ZNF254: variants seen among roughly 807,000 people sequenced by gnomAD.
ZNF254 encodes zinc finger protein 254.
ZNF254 carries 10 observed loss-of-function variants against 12.4 expected under a neutral mutation model. The ratio of observed to expected loss-of-function variants is 0.80; its 90% CI spans 0.50 to 1.36. ZNF254 has a LOEUF of 1.36. Ranked by LOEUF, ZNF254 falls within the 40% of genes most tolerant of loss-of-function variation. The pLI, the probability that ZNF254 is intolerant of heterozygous loss-of-function variation, is 0.00. For missense variants in ZNF254, 996 were observed against 763.9 expected, an observed-to-expected ratio of 1.30 and a Z score of -3.58; for synonymous variants, 305 against 253.4, an observed-to-expected ratio of 1.20 and a Z score of -1.93.
chr19:24,125,912 A>G (rs1464687988), intron 3 of ZNF254, among the ~76,000 whole-genome samples: 1 of 152,230 alleles, frequency 6.6e-6, no homozygotes, highest in Non-Finnish European at 1.5e-5. Flanking sequence ...AACAGAAACC[A>G]AGAGTTGGCA....
intron 2 of ZNF254, among the ~76,000 whole-genome samples, chr19:24,054,966 A>G (rs1970783562): frequency 6.6e-6 from 1 of 151,940 alleles, no homozygotes; most frequent in African/African-American, 2.4e-5. Context: ...GCACTTTGGG[A>G]GGCCGAGGTG....
Position 24,127,766 on chromosome 19 carries a change from T to C in ZNF254, c.1766T>C (p.Phe589Ser), listed in dbSNP as rs761095473. The change falls in exon 4 of 4, where the codon TTT (phenylalanine) becomes TCT (serine). Residue 589 changes from phenylalanine (F) to serine (S), a missense_variant. Phe to Ser is a radical substitution (Grantham distance 155, BLOSUM62 -2). Coordinates refer to ENST00000357002, the MANE Select transcript of ZNF254 (RefSeq NM_203282.4). ...AAATCTTTTAACCGGTCTTCAACTT[T>C]TACTAAACATAAGGTAATTCATACT... ...CGKSFNRSST[F>S]TKHKVIHTGV... 1.9e-5 allele frequency: 30 copies of C among 1,612,252 alleles called. No individual in the cohort carries two copies. The highest frequency in any genetic ancestry group is 2.5e-5 in the Non-Finnish European group (29 of 1,179,500).
In ZNF254 at chr19:24,120,325, C is replaced by G. The variant is rs986542539; in HGVS notation, c.254-5929C>G. On this transcript the variant is annotated intron_variant, in intron 3 of 3. Transcript: ENST00000357002. ...TTGGGACATGGCCAAACCACATCAT[C>G]TTAAAAATGGAATTTACATAAAACA... Among the ~76,000 whole-genome samples, 4 of 152,180 alleles carry G rather than the reference C, an allele frequency of 2.6e-5. No individual in the cohort carries two copies. In the South Asian group the frequency reaches 8.3e-4, roughly 32 times the overall value.
chr19:24,052,654 T>A lies in ZNF254; in HGVS notation c.-94+6375T>A, dbSNP rs10406592. Among the ~76,000 whole-genome samples the A allele has an allele frequency of 5.3e-3, 809 of 152,244 alleles. 7 individuals are homozygous for A. The highest frequency in any genetic ancestry group is 0.019 in the African/African-American group (782 of 41,534). On this transcript the variant is annotated intron_variant, in intron 2 of 4. Transcript: ENST00000613065. ...CTATATTCTGCTTTCAAGAGGAGAT[T>A]GTAACGTATCCCTAATCGAGCACCC...
intron 3 of ZNF254, chr19:24,107,410 C>G (rs1039075131): frequency 4.3e-5 from 17 of 399,684 alleles, no homozygotes; most frequent in East Asian, 4.1e-4. Flanking sequence ...GATTTATGAG[C>G]TCCTTGTTTA....
rs1029609936 is a variant in ZNF254, at chr19:24,117,526, C to T, written c.254-8728C>T. ...GTGCAGGATATAATCTGCTGTTGTG[C>T]GGTTATTTAAGCCCGTCGGAAAAGC... is the stretch of plus-strand genomic sequence containing the variant. On this transcript the variant is annotated intron_variant, in intron 3 of 3. Transcript: ENST00000357002. 5.3e-5 allele frequency among the ~76,000 whole-genome samples: 8 copies of T among 152,256 alleles called. No individual in the cohort carries two copies. In the East Asian group the frequency reaches 1.2e-3, roughly 22 times the overall value.
At chr19:24,072,203 G>A (rs532478668) in intron 2 of ZNF254, among the ~76,000 whole-genome samples, 20 of 148,358 alleles carry the variant, frequency 1.3e-4, no homozygotes, top group Non-Finnish European at 2.2e-4. Flanking sequence ...ATGTAGTCTC[G>A]CTCTGTCACC....
In ZNF254 at chr19:24,127,501, C is replaced by G. The variant is rs1417647541; in HGVS notation, c.1501C>G (p.Gln501Glu). ...KCEECGKSFSQSSTLTTHKII... is the reference protein window; with the variant it reads ...KCEECGKSFSESSTLTTHKII... The stretch of plus-strand genomic sequence containing the variant: ...TGAAGAATGTGGCAAATCTTTTAGC[C>G]AATCCTCAACCCTTACTACACATAA... Residue 501 changes from glutamine (Q) to glutamate (E), a missense_variant, in exon 4 of 4, where the codon CAA becomes GAA. Transcript: ENST00000357002. 6.2e-7 allele frequency: 1 copy of G among 1,612,140 alleles called. No homozygotes were observed. The highest frequency in any genetic ancestry group is 2.2e-5 in the East Asian group (1 of 44,720).
rs531584588 is a variant in ZNF254 at position 24,100,043 on chromosome 19, C to T, written c.31-5897C>T. ...AAGTGCATGCTGTCACCTAAATATG[C>T]AGGCAGAATTGTGTCTCTGTCTATT... On this transcript the variant is annotated intron_variant, in intron 1 of 3. Coordinates refer to ENST00000357002, the MANE Select transcript of ZNF254 (RefSeq NM_203282.4). Among the ~76,000 whole-genome samples, 5 of 152,282 alleles carry T rather than the reference C, an allele frequency of 3.3e-5. No homozygotes were observed. In the South Asian group the frequency reaches 1.0e-3, roughly 32 times the overall value.
chr19:24,087,448 C>T, intron 1 of ZNF254, 111 bp downstream of exon 1: 1 of 1,356,190 alleles, frequency 7.4e-7, no homozygotes, highest in Non-Finnish European at 1.0e-6. Context: ...ACAATCTGCG[C>T]CCAGCTCGAC....
chr19:24,081,076 CAAAAA>C (rs112442439), intron 2 of ZNF254, among the ~76,000 whole-genome samples: 1 of 123,442 alleles, frequency 8.1e-6, no homozygotes. Context: ...GACTCCTTCT[CAAAAA>C]AAAAAAAAAA....
chr19:24,098,306 A>G (rs912480351), intron 1 of ZNF254: 2 of 152,240 alleles, frequency 1.3e-5, no homozygotes, highest in Non-Finnish European at 2.9e-5. Context: ...TGCTGCTATT[A>G]CAGGACAAAT....
Position 24,126,756 on chromosome 19 carries a change from C to A in ZNF254, c.756C>A (p.Thr252=), listed in dbSNP as rs769365932. 6.2e-7 allele frequency: 1 copy of A among 1,613,156 alleles called. No homozygotes were observed. Among genetic ancestry groups the A allele is most frequent in the Non-Finnish European group, 8.5e-7 (1 of 1,179,704 alleles). Residue 252 remains threonine (T), a synonymous_variant, in exon 4 of 4, where the codon ACC becomes ACA. Coordinates refer to ENST00000357002, the MANE Select transcript of ZNF254 (RefSeq NM_203282.4). ...EYNKSPKQLS[T]LTTHEIIHAG... ...ACAAATCTCCTAAGCAACTCTCAAC[C>A]CTTACTACACATGAAATAATTCATG...
At chr19:24,057,452 C>G (rs1012371871) in intron 2 of ZNF254, among the ~76,000 whole-genome samples, 2 of 152,160 alleles carry the variant, frequency 1.3e-5, no homozygotes, top group Admixed American at 6.6e-5. Context: ...GATTATGGGT[C>G]GATACCATTA....
intron 1 of ZNF254, among the ~76,000 whole-genome samples, chr19:24,103,432 A>G (rs1326551077): frequency 6.6e-6 from 1 of 152,188 alleles, no homozygotes; most frequent in Non-Finnish European, 1.5e-5. Context: ...AGCTTGAGTG[A>G]TAATGCTTAG....
intron 1 of ZNF254, 184 bp from the exon 2 acceptor site, chr19:24,105,756 T>A (rs1339261373): frequency 2.0e-6 from 2 of 993,244 alleles, no homozygotes; most frequent in Non-Finnish European, 2.7e-6. Flanking sequence ...TTTGCCACTC[T>A]ATTTTCTCAG....
chr19:24,051,943 G>A (rs1181490341), intron 2 of ZNF254, among the ~76,000 whole-genome samples: 1 of 152,116 alleles, frequency 6.6e-6, no homozygotes. Context: ...AGAGCATTTT[G>A]ACATGTTTTT....
rs530746855 is a variant in ZNF254, at chr19:24,054,998, C to G, written c.-94+8719C>G. Among the ~76,000 whole-genome samples the G allele has an allele frequency of 1.8e-3, 268 of 151,712 alleles. 2 individuals carry two copies. Among genetic ancestry groups the G allele is most frequent in the African/African-American group, 6.3e-3 (259 of 41,390 alleles). ...GGTGGGTGAAACGAGGTCAGGAGTT[C>G]AAGACCAGCCTGACCAACATGTTGA... On this transcript the variant is annotated intron_variant, in intron 2 of 4. Transcript: ENST00000613065.
chr19:24,034,262 G>T (rs8104657), intron 1 of ZNF254, among the ~76,000 whole-genome samples: 71,950 of 151,756 alleles, frequency 0.47, 17,873 homozygotes, highest in African/African-American at 0.63. Context: ...TAGTTCTGCC[G>T]GCGGAGCCTC....
Sources: allele counts gnomAD v4.1 joint callset (sites outside exome capture counted in the v4.1 genomes callset), GRCh38; gene constraint gnomAD v4.1.1; transcripts MANE v1.5; gene names NCBI Gene and HGNC (gene_info 2026-07-23, HGNC 2026-07-21).